The following SRPRB variants were observed in gnomAD, a reference collection of about 807,000 sequenced individuals.
SRPRB encodes the protein signal recognition particle receptor subunit beta.
A neutral mutation model predicts 31.9 loss-of-function variants in SRPRB; 20 were observed. That is an observed-to-expected ratio of 0.63 (90% CI 0.44 to 0.91). The LOEUF (loss-of-function observed/expected upper bound fraction) is 0.91. Ranked by LOEUF, SRPRB falls within the 40% of genes least tolerant of loss-of-function variation. The pLI is 0.00. For missense variants in SRPRB, 321 were observed against 324.9 expected (o/e 0.99, Z 0.09); for synonymous variants, 146 against 132.8 (o/e 1.10, Z -0.68).
intron 5 of SRPRB, among the ~76,000 whole-genome samples, chr3:133,816,575 G>T (rs2107974891): frequency 6.6e-6 from 1 of 152,248 alleles, no homozygotes; most frequent in South Asian, 2.1e-4. Flanking sequence ...TTTTCTTTCT[G>T]TTAAACTGAG....
upstream of SRPRB, among the ~76,000 whole-genome samples, chr3:133,802,102 A>G (rs1440620803): frequency 5.9e-5 from 9 of 152,218 alleles, no homozygotes; most frequent in African/African-American, 2.2e-4. Flanking sequence ...CAGTGTGAGA[A>G]TTAAACAAAT....
chr3:133,806,524 T>A, intron 1 of SRPRB, 85 bp from the exon 2 acceptor site: 2 of 1,001,390 alleles, frequency 2.0e-6, no homozygotes, highest in South Asian at 2.7e-5. Flanking sequence ...CGTCACAGAC[T>A]TCTGTGAATT....
chr3:133,812,183 A>C (rs1162275627), intron 4 of SRPRB, among the ~76,000 whole-genome samples: 1 of 152,234 alleles, frequency 6.6e-6, no homozygotes, highest in Non-Finnish European at 1.5e-5. Context: ...CGGTCCCTAA[A>C]ATAATGTCTT....
In SRPRB at chr3:133,807,749, T is replaced by C; in HGVS notation, c.253T>C (p.Leu85=). 6.2e-7 allele frequency: 1 copy of C among 1,611,200 alleles called. No homozygotes were observed. Among genetic ancestry groups the C allele is most frequent in the Non-Finnish European group, 8.5e-7 (1 of 1,178,590 alleles). ...SGKTLLFVRL[L]TGLYRDTQTS... ...ACCCATCTTGTTTTTTTTACAGTTG[T>C]TAACAGGCCTTTATAGAGACACTCA... Residue 85 remains leucine (L), a synonymous_variant, in exon 3 of 7, where the codon TTA becomes CTA. Transcript: ENST00000678299.
At chr3:133,814,878 C>T (rs1935339508) in intron 4 of SRPRB, among the ~76,000 whole-genome samples, 1 of 152,206 alleles carries the variant, frequency 6.6e-6, no homozygotes, top group South Asian at 2.1e-4. Flanking sequence ...AGTTCAAGCG[C>T]CCTCTAAGAT....
chr3:133,811,400 A>G (rs1384616140), intron 4 of SRPRB, among the ~76,000 whole-genome samples: 1 of 152,178 alleles, frequency 6.6e-6, no homozygotes, highest in African/African-American at 2.4e-5. Context: ...TAAAATGCTT[A>G]AAAAGTGTTT....
chr3:133,813,067 G>T (rs1935304291), intron 4 of SRPRB, among the ~76,000 whole-genome samples: 1 of 152,208 alleles, frequency 6.6e-6, no homozygotes, highest in African/African-American at 2.4e-5. Flanking sequence ...AGAGTCCTGG[G>T]TGGCAGCCGC....
At chr3:133,824,247 A>G (rs898077633), downstream of SRPRB, 1 of 152,236 alleles carries the variant, frequency 6.6e-6, no homozygotes, top group African/African-American at 2.4e-5. Context: ...TGTTTTGAGA[A>G]TTAGGACAGT....
intron 1 of SRPRB, among the ~76,000 whole-genome samples, 156 bp downstream of exon 1, chr3:133,806,158 A>G (rs563460736): frequency 7.5e-4 from 114 of 152,294 alleles, no homozygotes; most frequent in Non-Finnish European, 1.1e-3. Context: ...TCTCTCCTGA[A>G]GCAGCGGCAG....
upstream of SRPRB, among the ~76,000 whole-genome samples, chr3:133,805,100 G>A (rs1056473321): frequency 6.6e-6 from 1 of 152,130 alleles, no homozygotes; most frequent in Non-Finnish European, 1.5e-5. Flanking sequence ...GGCTGAATAG[G>A]GTCGGCCCTA....
At chr3:133,817,461 T>C (rs1559893185) in intron 6 of SRPRB, among the ~76,000 whole-genome samples, 1 of 152,224 alleles carries the variant, frequency 6.6e-6, no homozygotes, top group South Asian at 2.1e-4. Flanking sequence ...ACATTATAGC[T>C]TCTTAGATTG....
At chr3:133,808,402 A>C (rs940643157) in intron 3 of SRPRB, among the ~76,000 whole-genome samples, 3 of 151,762 alleles carry the variant, frequency 2.0e-5, no homozygotes, top group Admixed American at 2.0e-4. Flanking sequence ...ATTGTCCTAC[A>C]TTTGTATACA....
intron 3 of SRPRB, among the ~76,000 whole-genome samples, chr3:133,808,889 CA>C (rs200185544): frequency 0.028 from 2,493 of 88,220 alleles, 71 homozygotes; most frequent in African/African-American, 0.097. Flanking sequence ...GACTAAGTCT[CA>C]AAAAAAAAAA....
At chr3:133,802,137 G>A (rs139585206), upstream of SRPRB, among the ~76,000 whole-genome samples, 2 of 152,306 alleles carry the variant, frequency 1.3e-5, no homozygotes, top group East Asian at 3.9e-4. Context: ...GGGCGTGGTG[G>A]CTTGTGCCTG....
At chr3:133,826,700 A>G (rs1001208660), downstream of SRPRB, 2 of 152,626 alleles carry the variant, frequency 1.3e-5, no homozygotes, top group African/African-American at 4.8e-5. Flanking sequence ...CCCGTGGGCT[A>G]TGTTTGCCTG....
At chr3:133,803,743 G>A (rs531350300), upstream of SRPRB, among the ~76,000 whole-genome samples, 70 of 150,828 alleles carry the variant, frequency 4.6e-4, no homozygotes, top group African/African-American at 1.7e-3. Flanking sequence ...CACAGCTCAC[G>A]GTAACCTGGA....
intron 3 of SRPRB, 121 bp from the exon 4 acceptor site, chr3:133,810,996 C>G (rs1295107871): frequency 1.1e-6 from 1 of 914,782 alleles, no homozygotes; most frequent in Non-Finnish European, 1.6e-6. Flanking sequence ...GTAGAAGATG[C>G]TTTGTGAACA....
At chr3:133,793,406 T>G (rs890787302) in intron 1 of SRPRB, 2 of 152,210 alleles carry the variant, frequency 1.3e-5, no homozygotes, top group South Asian at 4.1e-4. Context: ...AACCTCTAAC[T>G]TTGAGATGCT....
intron 1 of SRPRB, chr3:133,792,728 T>C (rs1934871817): frequency 6.6e-6 from 1 of 152,174 alleles, no homozygotes; most frequent in Admixed American, 6.5e-5. Flanking sequence ...GATTTTTTTT[T>C]CTGTCTAAAG....
Sources: gnomAD v4.1 joint callset for allele counts (sites outside exome capture counted in the v4.1 genomes callset) on GRCh38, gnomAD v4.1.1 for gene constraint, MANE v1.5 for transcripts, NCBI Gene and HGNC (gene_info 2026-07-23, HGNC 2026-07-21) for gene names.